The following UBE2E2 variants were observed in gnomAD, a reference collection of about 807,000 sequenced individuals.
UBE2E2 encodes ubiquitin conjugating enzyme E2 E2.
Under a neutral mutation model 24.7 loss-of-function variants are expected in UBE2E2, and 6 were observed. The ratio of observed to expected loss-of-function variants is 0.24; its 90% CI spans 0.13 to 0.48. The LOEUF (loss-of-function observed/expected upper bound fraction) is 0.48. UBE2E2 is among the 20% of genes least tolerant of loss of function. UBE2E2 has a pLI of 0.99. For missense variants in UBE2E2, 169 were observed against 245.0 expected (o/e 0.69, Z 2.07); for synonymous variants, 104 against 83.6 (o/e 1.24, Z -1.33).
intron 3 of UBE2E2, among the ~76,000 whole-genome samples, chr3:23,263,162 C>G (rs1559323896): frequency 6.6e-6 from 1 of 152,194 alleles, no homozygotes; most frequent in Non-Finnish European, 1.5e-5. Context: ...GTACTTAACA[C>G]ACTGACTACT....
chr3:23,249,319 A>G (rs1196058534), intron 3 of UBE2E2, among the ~76,000 whole-genome samples: 1 of 152,094 alleles, frequency 6.6e-6, no homozygotes, highest in Non-Finnish European at 1.5e-5. Flanking sequence ...TGACTTTACC[A>G]TAATTTGTGA....
intron 3 of UBE2E2, among the ~76,000 whole-genome samples, chr3:23,327,671 AG>A (rs1235471527): frequency 6.6e-6 from 1 of 152,212 alleles, no homozygotes. Context: ...CTTTCAGTGA[AG>A]GTATGTGACT....
At chr3:23,521,560 T>C (rs1276975101) in intron 4 of UBE2E2, among the ~76,000 whole-genome samples, 1 of 152,210 alleles carries the variant, frequency 6.6e-6, no homozygotes, top group African/African-American at 2.4e-5. Flanking sequence ...ACATAATGGT[T>C]GTTAAGTTTG....
chr3:23,292,836 G>A (rs906633454), intron 3 of UBE2E2, among the ~76,000 whole-genome samples: 4 of 152,312 alleles, frequency 2.6e-5, no homozygotes, highest in African/African-American at 9.6e-5. Flanking sequence ...CACTTTGGGA[G>A]GCTGAGGTGG....
chr3:23,504,848 A>C (rs1444526816), intron 4 of UBE2E2, among the ~76,000 whole-genome samples: 1 of 151,232 alleles, frequency 6.6e-6, no homozygotes, highest in Non-Finnish European at 1.5e-5. Context: ...GTTTTTTCCT[A>C]CCAAAAACAC....
chr3:23,204,843 A>G (rs1696102735), intron 1 of UBE2E2: 3 of 793,118 alleles, frequency 3.8e-6, no homozygotes, highest in South Asian at 5.7e-5. Flanking sequence ...AGCAAGACAT[A>G]TATGACAGAA....
chr3:23,429,575 C>T (rs1274686727), intron 3 of UBE2E2, among the ~76,000 whole-genome samples: 1 of 152,182 alleles, frequency 6.6e-6, no homozygotes, highest in Non-Finnish European at 1.5e-5. Context: ...CAAAATTCAA[C>T]ACCTATTCAT....
intron 3 of UBE2E2, among the ~76,000 whole-genome samples, chr3:23,261,675 A>C (rs1202237354): frequency 6.6e-6 from 1 of 151,994 alleles, no homozygotes; most frequent in African/African-American, 2.4e-5. Flanking sequence ...TGCTTTTATG[A>C]GTTCAACTGT....
chr3:23,565,417 A>G (rs1351114226), intron 5 of UBE2E2, among the ~76,000 whole-genome samples: 3 of 93,526 alleles, frequency 3.2e-5, no homozygotes, highest in Non-Finnish European at 6.6e-5. Context: ...TTTCTTTTGT[A>G]TGTCCTTATC....
intron 3 of UBE2E2, among the ~76,000 whole-genome samples, chr3:23,232,649 T>C (rs969925696): frequency 2.0e-5 from 3 of 152,228 alleles, no homozygotes; most frequent in Non-Finnish European, 4.4e-5. Context: ...AAATGTTGCA[T>C]GAGCCGAGAA....
At chr3:23,347,323 A>T (rs1695587992) in intron 3 of UBE2E2, among the ~76,000 whole-genome samples, 1 of 152,186 alleles carries the variant, frequency 6.6e-6, no homozygotes, top group African/African-American at 2.4e-5. Context: ...TCAATAATAG[A>T]CTGAATTAAG....
At chr3:23,282,097 T>C (rs1698502787) in intron 3 of UBE2E2, among the ~76,000 whole-genome samples, 1 of 152,220 alleles carries the variant, frequency 6.6e-6, no homozygotes, top group Admixed American at 6.5e-5. Flanking sequence ...CTTGAACTCA[T>C]CTCCGTCTTA....
rs558423311 is a variant in UBE2E2 at position 23,345,446 on chromosome 3, T to C, written c.227+128134T>C. Among the ~76,000 whole-genome samples the C allele has an allele frequency of 2.0e-5, 3 of 152,326 alleles. No individual in the cohort carries two copies. The South Asian group carries it at 6.2e-4, about 32-fold the overall frequency. On this transcript the variant is annotated intron_variant, in intron 3 of 5. Coordinates refer to ENST00000396703, the MANE Select transcript of UBE2E2 (RefSeq NM_152653.4). Reference sequence around the variant, plus strand: ...TAATTTTGTTACTTATTATTTACCATAAGTGGTTTAAAATATACGTGGCAA... The same window carrying C: ...TAATTTTGTTACTTATTATTTACCACAAGTGGTTTAAAATATACGTGGCAA...
At chr3:23,365,006 A>T (rs984078104) in intron 3 of UBE2E2, among the ~76,000 whole-genome samples, 6 of 152,184 alleles carry the variant, frequency 3.9e-5, no homozygotes, top group Admixed American at 3.9e-4. Context: ...CAAAAACAGA[A>T]TTATAAACAA....
At chr3:23,376,851 A>G (rs1696534729) in intron 3 of UBE2E2, among the ~76,000 whole-genome samples, 1 of 152,194 alleles carries the variant, frequency 6.6e-6, no homozygotes, top group Non-Finnish European at 1.5e-5. Flanking sequence ...GAGGTCAGCA[A>G]CTCACATATG....
chr3:23,230,610 C>T (rs1696949141), intron 3 of UBE2E2, among the ~76,000 whole-genome samples: 3 of 151,818 alleles, frequency 2.0e-5, no homozygotes, highest in South Asian at 4.2e-4. Flanking sequence ...CATGGTGAAA[C>T]CCCGTCTCTA....
At chr3:23,306,128 A>G (rs1699229759) in intron 3 of UBE2E2, among the ~76,000 whole-genome samples, 1 of 152,226 alleles carries the variant, frequency 6.6e-6, no homozygotes, top group South Asian at 2.1e-4. Context: ...CTACGTGGCC[A>G]CTGAAATATT....
At chr3:23,401,425 C>G (rs987177395) in intron 3 of UBE2E2, among the ~76,000 whole-genome samples, 83 of 152,162 alleles carry the variant, frequency 5.5e-4, no homozygotes, top group African/African-American at 1.9e-3. Flanking sequence ...GTTGTCACCC[C>G]CACGATTCAG....
At chr3:23,256,552 T>G (rs936083412) in intron 3 of UBE2E2, among the ~76,000 whole-genome samples, 2 of 152,226 alleles carry the variant, frequency 1.3e-5, no homozygotes, top group African/African-American at 4.8e-5. Context: ...TAGTTATAAA[T>G]TTTAAAAAGC....
Sources: allele counts gnomAD v4.1 joint callset (sites outside exome capture counted in the v4.1 genomes callset), GRCh38; gene constraint gnomAD v4.1.1; transcripts MANE v1.5; gene names NCBI Gene and HGNC (gene_info 2026-07-23, HGNC 2026-07-21).